GALNTL6: variants seen among roughly 807,000 people sequenced by gnomAD.
GALNTL6 encodes the protein polypeptide N-acetylgalactosaminyltransferase-like 6.
A neutral mutation model predicts 73.7 loss-of-function variants in GALNTL6; 46 were observed. The ratio of observed to expected loss-of-function variants is 0.62; its 90% CI spans 0.49 to 0.80. The LOEUF (loss-of-function observed/expected upper bound fraction) is 0.80. Ranked by LOEUF, GALNTL6 falls within the 30% of genes least tolerant of loss-of-function variation. The pLI is 0.00. For missense variants in GALNTL6, 604 were observed against 755.0 expected (o/e 0.80, Z 2.34); for synonymous variants, 259 against 263.7 (o/e 0.98, Z 0.17).
At chr4:172,094,600 G>T (rs867832400) in intron 2 of GALNTL6, among the ~76,000 whole-genome samples, 4 of 151,778 alleles carry the variant, frequency 2.6e-5, no homozygotes, top group Non-Finnish European at 5.9e-5. Context: ...TAAATTATGT[G>T]TTTTTTTATA....
intron 5 of GALNTL6, among the ~76,000 whole-genome samples, chr4:172,676,955 A>G (rs1396341483): frequency 6.6e-6 from 1 of 152,156 alleles, no homozygotes; most frequent in Non-Finnish European, 1.5e-5. Flanking sequence ...AGCCAGTAGT[A>G]TTCTTCTTCT....
rs185629585 is a variant in GALNTL6 at position 172,109,597 on chromosome 4, A to G, written c.139-120059A>G. 3.3e-4 allele frequency among the ~76,000 whole-genome samples: 51 copies of G among 152,362 alleles called. No homozygotes were observed. The East Asian group carries it at 8.3e-3, about 25-fold the overall frequency. ...AACAAAAATTTTTGCATTCCCACAGACAAACCACTAAATAAAGACAAATGT... is the reference window on the plus strand; with the variant it reads ...AACAAAAATTTTTGCATTCCCACAGGCAAACCACTAAATAAAGACAAATGT... On this transcript the variant is annotated intron_variant, in intron 2 of 12. Transcript: ENST00000506823.
chr4:172,859,033 C>A (rs574987221), intron 7 of GALNTL6, among the ~76,000 whole-genome samples: 1 of 126,962 alleles, frequency 7.9e-6, no homozygotes, highest in African/African-American at 2.7e-5. Context: ...GAAATGCAAG[C>A]TGGAGTGGTC....
intron 9 of GALNTL6, among the ~76,000 whole-genome samples, chr4:172,935,286 T>A (rs1219877635): frequency 6.6e-6 from 1 of 152,178 alleles, no homozygotes; most frequent in Non-Finnish European, 1.5e-5. Context: ...AGAATGCAAA[T>A]CTGTATACTG....
chr4:172,915,607 A>G (rs1747461936), intron 8 of GALNTL6, among the ~76,000 whole-genome samples: 1 of 152,244 alleles, frequency 6.6e-6, no homozygotes, highest in African/African-American at 2.4e-5. Context: ...CCATCAGAGA[A>G]TACTATAAAC....
intron 2 of GALNTL6, among the ~76,000 whole-genome samples, chr4:172,185,859 C>T (rs977731843): frequency 3.9e-5 from 6 of 151,986 alleles, no homozygotes; most frequent in Admixed American, 1.3e-4. Flanking sequence ...TTGTAAAAAG[C>T]GGTTAACATG....
intron 5 of GALNTL6, among the ~76,000 whole-genome samples, chr4:172,384,501 CT>C (rs999341071): frequency 2.0e-4 from 31 of 151,740 alleles, no homozygotes; most frequent in African/African-American, 7.5e-4. Flanking sequence ...CTCACTTCAT[CT>C]TGTTTTGTCT....
intron 2 of GALNTL6, among the ~76,000 whole-genome samples, chr4:171,890,709 A>C (rs947488738): frequency 1.3e-5 from 2 of 152,092 alleles, no homozygotes; most frequent in African/African-American, 4.8e-5. Flanking sequence ...TTTTATTATC[A>C]CCCTTGTATG....
intron 5 of GALNTL6, among the ~76,000 whole-genome samples, chr4:172,655,564 G>A (rs1163608570): frequency 6.6e-6 from 1 of 152,048 alleles, no homozygotes; most frequent in Non-Finnish European, 1.5e-5. Context: ...GCTCATAAAG[G>A]GCAGAGTTGA....
At chr4:172,237,260 T>A (rs1579287715) in intron 3 of GALNTL6, among the ~76,000 whole-genome samples, 2 of 152,176 alleles carry the variant, frequency 1.3e-5, no homozygotes, top group East Asian at 3.9e-4. Context: ...TGAATGGCAG[T>A]TCAGTTTTAG....
chr4:171,907,917 G>T (rs1369128070), intron 2 of GALNTL6, among the ~76,000 whole-genome samples: 1 of 151,986 alleles, frequency 6.6e-6, no homozygotes, highest in Non-Finnish European at 1.5e-5. Flanking sequence ...TTTAATAAAT[G>T]GTGCTGGGAA....
chr4:172,430,230 G>C (rs1731390878), intron 5 of GALNTL6, among the ~76,000 whole-genome samples: 1 of 152,070 alleles, frequency 6.6e-6, no homozygotes, highest in Non-Finnish European at 1.5e-5. Context: ...ATCTGACACA[G>C]ACTATTCTAG....
intron 2 of GALNTL6, among the ~76,000 whole-genome samples, chr4:171,904,086 C>A (rs1243806993): frequency 6.6e-6 from 1 of 152,030 alleles, no homozygotes; most frequent in Non-Finnish European, 1.5e-5. Flanking sequence ...AAGCAGAGCG[C>A]CTCTCCTCCT....
chr4:172,320,857 C>G (rs1215853116), intron 4 of GALNTL6, among the ~76,000 whole-genome samples: 1 of 152,152 alleles, frequency 6.6e-6, no homozygotes, highest in Non-Finnish European at 1.5e-5. Context: ...GCCACAGCCC[C>G]CTGAGGAGCA....
chr4:172,267,804 A>C (rs753415084), intron 3 of GALNTL6, among the ~76,000 whole-genome samples: 76 of 152,086 alleles, frequency 5.0e-4, no homozygotes, highest in Non-Finnish European at 9.0e-4. Context: ...TGTTCTTGGA[A>C]GTATATGAAT....
intron 5 of GALNTL6, among the ~76,000 whole-genome samples, chr4:172,498,182 G>T (rs964064983): frequency 2.6e-5 from 4 of 151,724 alleles, no homozygotes; most frequent in African/African-American, 9.7e-5. Flanking sequence ...GTAGAGACAG[G>T]GTTTCACCTT....
At chr4:172,164,153 T>G (rs942981285) in intron 2 of GALNTL6, among the ~76,000 whole-genome samples, 12 of 152,012 alleles carry the variant, frequency 7.9e-5, no homozygotes, top group Non-Finnish European at 1.8e-4. Flanking sequence ...GGGACTGACT[T>G]ACTCTTGAGA....
intron 2 of GALNTL6, among the ~76,000 whole-genome samples, chr4:171,888,475 A>G (rs1372343671): frequency 6.6e-6 from 1 of 151,756 alleles, no homozygotes; most frequent in African/African-American, 2.4e-5. Flanking sequence ...TCAAATCGAG[A>G]GGAAGAGAAG....
chr4:172,792,671 CT>C (rs71594009), intron 5 of GALNTL6, among the ~76,000 whole-genome samples: 51 of 135,664 alleles, frequency 3.8e-4, no homozygotes, highest in Non-Finnish European at 5.3e-4. Context: ...CATAGTTTAG[CT>C]TTTTTTTTTT....
Sources: allele counts gnomAD v4.1 joint callset (sites outside exome capture counted in the v4.1 genomes callset), GRCh38; gene constraint gnomAD v4.1.1; transcripts MANE v1.5; gene names NCBI Gene and HGNC (gene_info 2026-07-23, HGNC 2026-07-21).